The following THSD4 variants were observed in gnomAD, a reference collection of about 807,000 sequenced individuals.
THSD4 encodes the protein thrombospondin type 1 domain containing 4.
Under a neutral mutation model 119.0 loss-of-function variants are expected in THSD4, and 69 were observed. The observed-to-expected ratio is 0.58, with a 90% confidence interval of 0.48 to 0.71. THSD4 has a LOEUF of 0.71. Among genes scored for constraint, THSD4 ranks in the 30% least tolerant of loss-of-function variants. The pLI, the probability that THSD4 is intolerant of heterozygous loss-of-function variation, is 0.00. For synonymous variants in THSD4, 524 were observed against 540.4 expected (o/e 0.97, Z 0.42); for missense variants, 1,393 against 1,391.1 (o/e 1.00, Z -0.02).
At chr15:71,349,318 T>C (rs1350234670) in intron 6 of THSD4, among the ~76,000 whole-genome samples, 1 of 152,246 alleles carries the variant, frequency 6.6e-6, no homozygotes, top group Non-Finnish European at 1.5e-5. Flanking sequence ...TTTCTTATTT[T>C]TTTCTCTTTA....
chr15:71,623,322 C>T (rs965059360), intron 7 of THSD4, among the ~76,000 whole-genome samples: 3 of 152,156 alleles, frequency 2.0e-5, no homozygotes, highest in Non-Finnish European at 2.9e-5. Context: ...GTGCGAAATG[C>T]TTTACATAGA....
Position 71,748,516 on chromosome 15 carries a change from G to A in THSD4, c.2337G>A (p.Lys779=). ...DVVDDEECNM[K]LRPNDIENCD... is the part of the protein sequence containing the mutation. ...TTGACGATGAGGAATGCAACATGAAGCTCCGGCCGAATGACATTGAGAACT... is the reference window on the plus strand; with the variant it reads ...TTGACGATGAGGAATGCAACATGAAACTCCGGCCGAATGACATTGAGAACT... The change falls in exon 14 of 18, where the codon AAG becomes AAA. Residue 779 remains lysine, a synonymous_variant. Transcript: ENST00000261862. 1 of 1,614,210 alleles carries A rather than the reference G, an allele frequency of 6.2e-7. No individual in the cohort carries two copies. The highest frequency in any genetic ancestry group is 8.5e-7 in the Non-Finnish European group (1 of 1,180,034).
At chr15:71,636,841 T>C (rs1567075077) in intron 7 of THSD4, among the ~76,000 whole-genome samples, 1 of 151,932 alleles carries the variant, frequency 6.6e-6, no homozygotes, top group Non-Finnish European at 1.5e-5. Flanking sequence ...GTGAGAAATC[T>C]ACAGGCTTGA....
Position 71,419,191 on chromosome 15 carries a change from T to C in THSD4, c.1152+7368T>C, listed in dbSNP as rs553678850. ...CTGCTCTGATCTTTATTATTTCTTTTCTTTTCTTTTCTTTTTCTTTTTCTT... is the reference window on the plus strand; with the variant it reads ...CTGCTCTGATCTTTATTATTTCTTTCCTTTTCTTTTCTTTTTCTTTTTCTT... On this transcript the variant is annotated intron_variant, in intron 7 of 17. Coordinates refer to ENST00000261862, the MANE Select transcript of THSD4 (RefSeq NM_024817.3). Among the ~76,000 whole-genome samples the C allele has an allele frequency of 1.8e-3, 98 of 53,964 alleles. 22 individuals are homozygous for C. The highest frequency in any genetic ancestry group is 5.4e-3 in the African/African-American group (95 of 17,716). The allele number at this position is 53,964 out of a possible 152,430, so 35.4% of individuals were successfully genotyped here.
chr15:71,739,666 A>C (rs534002353), intron 11 of THSD4, among the ~76,000 whole-genome samples: 1 of 152,242 alleles, frequency 6.6e-6, no homozygotes, highest in East Asian at 1.9e-4. Context: ...TCCTGTTTGT[A>C]GTAAAGTCCT....
chr15:71,112,245 G>T, upstream of THSD4: 1 of 1,604,488 alleles, frequency 6.2e-7, no homozygotes, highest in South Asian at 1.1e-5. Flanking sequence ...AGTGAGGTGG[G>T]GTGGTGACAG....
At chr15:71,259,821 C>T (rs2044368619) in intron 6 of THSD4, among the ~76,000 whole-genome samples, 1 of 152,160 alleles carries the variant, frequency 6.6e-6, no homozygotes, top group African/African-American at 2.4e-5. Flanking sequence ...TTTGATAAAT[C>T]CTGAAATACA....
At chr15:71,682,343 T>C (rs1474720166) in intron 8 of THSD4, among the ~76,000 whole-genome samples, 1 of 152,230 alleles carries the variant, frequency 6.6e-6, no homozygotes, top group Non-Finnish European at 1.5e-5. Flanking sequence ...TAAGTACAGC[T>C]TGATGAATTT....
chr15:71,237,853 C>G (rs1388342568), intron 4 of THSD4, among the ~76,000 whole-genome samples: 1 of 152,168 alleles, frequency 6.6e-6, no homozygotes, highest in Non-Finnish European at 1.5e-5. Flanking sequence ...CTTTGTAGAG[C>G]TGTGGAAGAT....
intron 7 of THSD4, among the ~76,000 whole-genome samples, chr15:71,501,075 A>G (rs1436917915): frequency 3.3e-5 from 5 of 152,156 alleles, no homozygotes; most frequent in Admixed American, 1.3e-4. Flanking sequence ...GGTAGCATGG[A>G]TATTCTAACA....
intron 6 of THSD4, among the ~76,000 whole-genome samples, chr15:71,324,021 AGT>A (rs1183888814): frequency 6.6e-6 from 1 of 152,104 alleles, no homozygotes; most frequent in Non-Finnish European, 1.5e-5. Flanking sequence ...CTCTGTCGTG[AGT>A]GATTCTACTA....
chr15:71,591,321 T>G (rs1396784850), intron 7 of THSD4, among the ~76,000 whole-genome samples: 1 of 152,232 alleles, frequency 6.6e-6, no homozygotes, highest in South Asian at 2.1e-4. Context: ...GCTGCCCTGT[T>G]GTGCCTACCT....
chr15:71,598,193 T>C (rs2049941109), intron 7 of THSD4, among the ~76,000 whole-genome samples: 1 of 152,132 alleles, frequency 6.6e-6, no homozygotes, highest in African/African-American at 2.4e-5. Flanking sequence ...GAAAGACTGC[T>C]AAGAATTGGT....
In THSD4 at chr15:71,527,393, C is replaced by T. The variant is rs535957266; in HGVS notation, c.1152+115570C>T. Among the ~76,000 whole-genome samples the T allele has an allele frequency of 5.3e-5, 8 of 152,290 alleles. No individual in the cohort carries two copies. The South Asian group carries it at 1.7e-3, about 32-fold the overall frequency. On this transcript the variant is annotated intron_variant, in intron 7 of 17. Coordinates refer to ENST00000261862, the MANE Select transcript of THSD4 (RefSeq NM_024817.3). ...CTTGTGGTCAGGGCAATAAATAATT[C>T]TCAAATGGAGGGCAACAAAAGTGAA... is the stretch of plus-strand genomic sequence containing the variant.
intron 2 of THSD4, among the ~76,000 whole-genome samples, chr15:71,154,340 T>C (rs1467158500): frequency 1.3e-5 from 2 of 152,132 alleles, no homozygotes; most frequent in African/African-American, 4.8e-5. Context: ...GGAGAACATA[T>C]GTGACATCAA....
chr15:71,378,724 C>T (rs2046184409), intron 6 of THSD4, among the ~76,000 whole-genome samples: 1 of 152,140 alleles, frequency 6.6e-6, no homozygotes, highest in Non-Finnish European at 1.5e-5. Flanking sequence ...TTGAGAGTCA[C>T]TGCTTAATAA....
intron 8 of THSD4, among the ~76,000 whole-genome samples, chr15:71,697,389 G>A (rs2141063517): frequency 6.6e-6 from 1 of 152,310 alleles, no homozygotes; most frequent in African/African-American, 2.4e-5. Flanking sequence ...CAGCTTCAGT[G>A]GTCAAACTTG....
At chr15:71,181,155 T>G (rs988003434) in intron 3 of THSD4, among the ~76,000 whole-genome samples, 3 of 152,346 alleles carry the variant, frequency 2.0e-5, no homozygotes, top group Non-Finnish European at 4.4e-5. Context: ...AAGCAGACAC[T>G]GTGTCTCTTC....
chr15:71,534,159 G>C (rs536198809), intron 7 of THSD4, among the ~76,000 whole-genome samples: 1 of 152,012 alleles, frequency 6.6e-6, no homozygotes, highest in Non-Finnish European at 1.5e-5. Context: ...TATGTTGCCC[G>C]TGCTGGTCTC....
Sources: gnomAD v4.1 joint callset for allele counts (sites outside exome capture counted in the v4.1 genomes callset) on GRCh38, gnomAD v4.1.1 for gene constraint, MANE v1.5 for transcripts, NCBI Gene and HGNC (gene_info 2026-07-23, HGNC 2026-07-21) for gene names.